The following ZNF292 variants were observed in gnomAD, a reference collection of about 807,000 sequenced individuals.
ZNF292 encodes zinc finger protein 292.
A neutral mutation model predicts 217.9 loss-of-function variants in ZNF292; 26 were observed. That is an observed-to-expected ratio of 0.12 (90% CI 0.09 to 0.17). ZNF292 has a LOEUF of 0.17. ZNF292 is among the 10% of genes least tolerant of loss of function. The pLI is 1.00. For missense variants in ZNF292, 2,904 were observed against 3,175.2 expected, an observed-to-expected ratio of 0.91 and a Z score of 2.05; for synonymous variants, 1,257 against 1,124.1, an observed-to-expected ratio of 1.12 and a Z score of -2.37.
Position 87,174,160 on chromosome 6 carries a change from A to G in ZNF292, c.168+18401A>G, listed in dbSNP as rs568749419. On this transcript the variant is annotated intron_variant, in intron 1 of 7. Transcript: ENST00000369577. ...TATTTCCTGTTAAGGTAGCAGAGTG[A>G]TGTGCTTTTGGCTGGGCCACCAGGC... The G allele has an allele frequency of 6.2e-4, 97 of 155,604 alleles. 1 individual carries two copies. The highest frequency in any genetic ancestry group is 1.1e-3 in the Non-Finnish European group (80 of 69,644). 9.6% of individuals were successfully genotyped at this position (155,604 alleles called of 1,614,324 possible). A position where few individuals can be genotyped will look rare whatever the true frequency, so the allele number is the denominator to read the frequency against.
At chr6:87,165,121 TG>T (rs1289680655) in intron 1 of ZNF292, among the ~76,000 whole-genome samples, 1 of 152,160 alleles carries the variant, frequency 6.6e-6, no homozygotes, top group African/African-American at 2.4e-5. Flanking sequence ...GGTCTGAATT[TG>T]TTGTGTTACA....
intron 1 of ZNF292, among the ~76,000 whole-genome samples, chr6:87,200,842 C>T (rs1358025478): frequency 6.6e-6 from 1 of 152,144 alleles, no homozygotes; most frequent in African/African-American, 2.4e-5. Context: ...ATTTCACATC[C>T]TAGCATTGAG....
At position 87,255,766 on chromosome 6, in the gene ZNF292, C is replaced by A; in HGVS notation, c.2137C>A (p.Arg713Ser). The A allele has an allele frequency of 6.2e-7, 1 of 1,613,792 alleles. No homozygotes were observed. The highest frequency in any genetic ancestry group is 2.2e-5 in the East Asian group (1 of 44,880). Residue 713 changes from arginine (R) to serine (S), a missense_variant, in exon 8 of 8, where the codon CGC becomes AGC. Around this residue, in one of 15 missense-constraint regions of ZNF292, gnomAD observed 216 missense variants for 308.3 expected, o/e 0.70. Coordinates refer to ENST00000369577, the MANE Select transcript of ZNF292 (RefSeq NM_015021.3). The part of the protein sequence containing the change: ...KGHKDNEDAK[R>S]FLEMQSKKVI... Reference sequence around the variant, plus strand: ...GCATAAAGATAATGAAGACGCCAAGCGCTTTCTTGAAATGCAGAGCAAAAA... The same window carrying A: ...GCATAAAGATAATGAAGACGCCAAGAGCTTTCTTGAAATGCAGAGCAAAAA...
intron 7 of ZNF292, among the ~76,000 whole-genome samples, chr6:87,253,167 C>T (rs1014121435): frequency 6.6e-6 from 1 of 151,362 alleles, no homozygotes; most frequent in Non-Finnish European, 1.5e-5. Context: ...TCCCACCTTG[C>T]CTTCCCAAAG....
chr6:87,163,614 T>C (rs984108059), intron 1 of ZNF292, among the ~76,000 whole-genome samples: 2 of 152,224 alleles, frequency 1.3e-5, no homozygotes, highest in African/African-American at 2.4e-5. Flanking sequence ...ATCTATAGCA[T>C]GTATCAATTG....
At chr6:87,238,571 C>G (rs1335133888) in intron 5 of ZNF292, among the ~76,000 whole-genome samples, 2 of 148,408 alleles carry the variant, frequency 1.3e-5, no homozygotes, top group African/African-American at 4.9e-5. Flanking sequence ...AAATTTGGTA[C>G]CATATGAGCA....
chr6:87,210,672 C>T (rs973171283), intron 1 of ZNF292, among the ~76,000 whole-genome samples: 1 of 152,038 alleles, frequency 6.6e-6, no homozygotes, highest in Non-Finnish European at 1.5e-5. Flanking sequence ...CCCAACTACA[C>T]GGGAGGCTGA....
intron 4 of ZNF292, among the ~76,000 whole-genome samples, chr6:87,232,721 GTTTTATCCTTTGGCGA>G (rs1773714152): frequency 4.2e-5 from 1 of 23,822 alleles, no homozygotes; most frequent in African/African-American, 1.1e-3. Context: ...ACCCACAGAA[GTTTTATCCTTTGGCGA>G]AGTTTTATCC....
intron 5 of ZNF292, among the ~76,000 whole-genome samples, chr6:87,234,041 C>T (rs1773779910): frequency 6.6e-6 from 1 of 152,112 alleles, no homozygotes; most frequent in Admixed American, 6.5e-5. Flanking sequence ...CTCTCTGAGA[C>T]ATTGTCTTTT....
chr6:87,259,380 T>G lies in ZNF292; in HGVS notation c.5751T>G (p.Asp1917Glu). ...QGCNYSAMTK[D>E]ALFKHYGKIH... ...GTAACTACAGTGCTATGACAAAGGA[T>G]GCACTATTTAAGCACTATGGTAAAA... The change falls in exon 8 of 8, where the codon GAT (aspartate) becomes GAG (glutamate). Residue 1917 changes from aspartate (D) to glutamate (E), a missense_variant. By Grantham distance (45) the Asp-to-Glu change is conservative (BLOSUM62 2). Coordinates refer to ENST00000369577, the MANE Select transcript of ZNF292 (RefSeq NM_015021.3). 6.2e-7 allele frequency: 1 copy of G among 1,612,200 alleles called. No homozygotes were observed. Among genetic ancestry groups the G allele is most frequent in the Non-Finnish European group, 8.5e-7 (1 of 1,179,018 alleles).
chr6:87,160,438 G>A (rs1489722879), intron 1 of ZNF292, among the ~76,000 whole-genome samples: 1 of 151,762 alleles, frequency 6.6e-6, no homozygotes, highest in African/African-American at 2.4e-5. Context: ...TTGAAGGGTT[G>A]AATTACAGTC....
At chr6:87,231,013 A>G (rs1281129000) in intron 4 of ZNF292, among the ~76,000 whole-genome samples, 1 of 152,208 alleles carries the variant, frequency 6.6e-6, no homozygotes, top group Non-Finnish European at 1.5e-5. Flanking sequence ...TGATACGTCT[A>G]AGCTACTCAA....
intron 5 of ZNF292, among the ~76,000 whole-genome samples, chr6:87,234,175 A>G (rs1052181433): frequency 3.3e-5 from 5 of 152,218 alleles, no homozygotes; most frequent in African/African-American, 9.6e-5. Context: ...GGGACTTACA[A>G]TTTCAAAAGG....
chr6:87,247,276 C>CACAT (rs1318071104), intron 7 of ZNF292, among the ~76,000 whole-genome samples: 1 of 116,082 alleles, frequency 8.6e-6, no homozygotes, highest in Non-Finnish European at 1.7e-5. Context: ...CCGCAACACA[C>CACAT]ACACATGCGC....
intron 1 of ZNF292, among the ~76,000 whole-genome samples, chr6:87,198,180 TTTTATTTATTTATTTATTTA>T (rs146558783): frequency 3.3e-4 from 49 of 147,522 alleles, no homozygotes; most frequent in Non-Finnish European, 5.4e-4. Context: ...TGCATGTTTA[TTTTATTTATTTATTTATTTA>T]TTTATTTATT....
chr6:87,231,207 A>G (rs966186623), intron 4 of ZNF292, among the ~76,000 whole-genome samples: 2 of 152,212 alleles, frequency 1.3e-5, no homozygotes, highest in African/African-American at 4.8e-5. Flanking sequence ...CTTTTGATCC[A>G]TTTGAATCAT....
chr6:87,159,119 G>T (rs1051861893), intron 1 of ZNF292, among the ~76,000 whole-genome samples: 1 of 152,174 alleles, frequency 6.6e-6, no homozygotes, highest in Non-Finnish European at 1.5e-5. Context: ...CTTATGATCC[G>T]TAGTTTATAG....
chr6:87,203,628 T>C (rs1031198455), intron 1 of ZNF292, among the ~76,000 whole-genome samples: 3 of 150,082 alleles, frequency 2.0e-5, no homozygotes, highest in African/African-American at 7.4e-5. Context: ...TGGCCCAGAG[T>C]GGAATGTCAA....
Position 87,261,236 on chromosome 6 carries a change from A to G in ZNF292, c.7607A>G (p.Glu2536Gly). Residue 2536 changes from glutamate to glycine, a missense_variant, in exon 8 of 8, where the codon GAA becomes GGA. Physicochemically the swap from Glu to Gly is moderately conservative, Grantham distance 98 (BLOSUM62 -2). Around this residue, in one of 15 missense-constraint regions of ZNF292, gnomAD observed 380 missense variants for 355.3 expected, o/e 1.07. Coordinates refer to ENST00000369577, the MANE Select transcript of ZNF292 (RefSeq NM_015021.3). ...KASNLKRVNKEKNVSQNKKRK... is the reference protein window; with the variant it reads ...KASNLKRVNKGKNVSQNKKRK... The stretch of plus-strand genomic sequence containing the variant: ...AGTAATTTGAAGAGAGTTAATAAGG[A>G]AAAAAATGTCTCACAAAATAAAAAA... 1.9e-6 allele frequency: 3 copies of G among 1,609,598 alleles called. No individual in the cohort carries two copies. Among genetic ancestry groups the G allele is most frequent in the Non-Finnish European group, 2.5e-6 (3 of 1,178,692 alleles).
Sources: gnomAD v4.1 joint callset for allele counts (sites outside exome capture counted in the v4.1 genomes callset) on GRCh38, gnomAD v4.1.1 for gene constraint, gnomAD v4.1.1 regional missense constraint, MANE v1.5 for transcripts, NCBI Gene and HGNC (gene_info 2026-07-23, HGNC 2026-07-21) for gene names.